The following XKR9 variants were observed in gnomAD, a reference collection of about 807,000 sequenced individuals.
XKR9 encodes XK related 9.
Under a neutral mutation model 32.0 loss-of-function variants are expected in XKR9, and 32 were observed. The ratio of observed to expected loss-of-function variants is 1.00; its 90% confidence interval spans 0.76 to 1.34. The LOEUF is 1.34. Ranked by LOEUF, XKR9 falls within the 40% of genes most tolerant of loss-of-function variation. The pLI is 0.00. For missense variants in XKR9, 546 were observed against 429.7 expected (o/e 1.27, Z -2.39); for synonymous variants, 168 against 143.4 (o/e 1.17, Z -1.22).
the XKR9 span, among the ~76,000 whole-genome samples, chr8:70,927,585 T>C: frequency 6.6e-6 from 1 of 152,102 alleles, no homozygotes; most frequent in African/African-American, 2.4e-5. Flanking sequence ...ATGAAGGCTA[T>C]GACCTCACAT....
chr8:70,902,734 TG>T, the XKR9 span, among the ~76,000 whole-genome samples: 1 of 152,244 alleles, frequency 6.6e-6, no homozygotes, highest in African/African-American at 2.4e-5. Flanking sequence ...TTTCTGCTTT[TG>T]TCCATTCAGT....
the XKR9 span, among the ~76,000 whole-genome samples, chr8:70,806,468 G>A: frequency 9.2e-5 from 14 of 152,238 alleles, no homozygotes; most frequent in African/African-American, 3.4e-4. Context: ...AAAAAACTAC[G>A]CTGAGCTAAA....
the XKR9 span, among the ~76,000 whole-genome samples, chr8:70,994,694 C>T: frequency 6.7e-6 from 1 of 149,558 alleles, no homozygotes; most frequent in African/African-American, 2.4e-5. Context: ...TCTCTATTCC[C>T]ATTACACATT....
the XKR9 span, among the ~76,000 whole-genome samples, chr8:70,870,837 T>A: frequency 6.6e-6 from 1 of 152,192 alleles, no homozygotes; most frequent in Non-Finnish European, 1.5e-5. Flanking sequence ...TTGAACCATG[T>A]GATTCTGTTA....
the XKR9 span, among the ~76,000 whole-genome samples, chr8:71,013,319 G>A: frequency 2.6e-5 from 4 of 152,018 alleles, no homozygotes; most frequent in Non-Finnish European, 4.4e-5. Flanking sequence ...AGTAGGAGAG[G>A]GACATTAGGG....
chr8:70,775,906 G>A (rs529417892), intron 2 of XKR9, among the ~76,000 whole-genome samples: 2 of 151,892 alleles, frequency 1.3e-5, no homozygotes, highest in African/African-American at 2.4e-5. Flanking sequence ...CACTATGTTC[G>A]GTTAAGTTTT....
At chr8:70,972,300 G>A in the XKR9 span, among the ~76,000 whole-genome samples, 1 of 152,084 alleles carries the variant, frequency 6.6e-6, no homozygotes, top group African/African-American at 2.4e-5. Flanking sequence ...CTACTGATTT[G>A]TGTACATTAA....
At chr8:70,923,861 T>A in the XKR9 span, among the ~76,000 whole-genome samples, 1 of 152,222 alleles carries the variant, frequency 6.6e-6, no homozygotes, top group Admixed American at 6.5e-5. Flanking sequence ...TTTTGAATTC[T>A]ATGTTCTATA....
the XKR9 span, among the ~76,000 whole-genome samples, chr8:71,033,115 A>G: frequency 6.6e-6 from 1 of 152,086 alleles, no homozygotes; most frequent in Non-Finnish European, 1.5e-5. Context: ...ACACAGGGAA[A>G]CAGCAGGTAA....
chr8:70,770,589 C>A (rs563022303), intron 2 of XKR9, among the ~76,000 whole-genome samples: 2 of 152,206 alleles, frequency 1.3e-5, no homozygotes, highest in African/African-American at 4.8e-5. Context: ...GGGCTGCTGT[C>A]TTCCTTTCAG....
At chr8:70,804,513 GC>G in the XKR9 span, among the ~76,000 whole-genome samples, 1 of 152,150 alleles carries the variant, frequency 6.6e-6, no homozygotes, top group Non-Finnish European at 1.5e-5. Flanking sequence ...TACATGTAAA[GC>G]TTTTAGCATA....
the XKR9 span, among the ~76,000 whole-genome samples, chr8:71,059,260 T>G: frequency 6.6e-6 from 1 of 152,242 alleles, no homozygotes; most frequent in Non-Finnish European, 1.5e-5. Context: ...CAGCACACTG[T>G]CACAGAATGT....
chr8:71,052,637 G>A, the XKR9 span, among the ~76,000 whole-genome samples: 1 of 152,182 alleles, frequency 6.6e-6, no homozygotes, highest in African/African-American at 2.4e-5. Flanking sequence ...ATAGGAAGGA[G>A]GATTTGCCTT....
chr8:70,980,265 C>CA, the XKR9 span, among the ~76,000 whole-genome samples: 1 of 152,194 alleles, frequency 6.6e-6, no homozygotes, highest in African/African-American at 2.4e-5. Flanking sequence ...CTGTGGGCTG[C>CA]ACCCACTGTC....
At chr8:70,836,730 G>T in the XKR9 span, among the ~76,000 whole-genome samples, 2 of 151,838 alleles carry the variant, frequency 1.3e-5, no homozygotes, top group Non-Finnish European at 2.9e-5. Flanking sequence ...GCATAGAATT[G>T]CTGGGTAATG....
chr8:70,766,802 A>G (rs1435003293), intron 2 of XKR9, among the ~76,000 whole-genome samples: 2 of 152,204 alleles, frequency 1.3e-5, no homozygotes, highest in Admixed American at 1.3e-4. Flanking sequence ...TGTTTTTAGC[A>G]TGAAGGGGTG....
chr8:70,749,276 C>G (rs1807100711), intron 2 of XKR9, among the ~76,000 whole-genome samples: 1 of 151,906 alleles, frequency 6.6e-6, no homozygotes, highest in Non-Finnish European at 1.5e-5. Context: ...ACAAACGGGG[C>G]TGAAACATGC....
the XKR9 span, among the ~76,000 whole-genome samples, chr8:71,019,006 TTGAC>T: frequency 1.3e-5 from 2 of 152,350 alleles, no homozygotes; most frequent in East Asian, 3.9e-4. Context: ...ATATTTCTGA[TTGAC>T]AGCTCCATTC....
At chr8:70,879,648 A>G in the XKR9 span, among the ~76,000 whole-genome samples, 1 of 152,292 alleles carries the variant, frequency 6.6e-6, no homozygotes, top group African/African-American at 2.4e-5. Flanking sequence ...ACAGGCTCTG[A>G]AATAGAGGTA....
Sources: allele counts gnomAD v4.1 joint callset (sites outside exome capture counted in the v4.1 genomes callset), GRCh38; gene constraint gnomAD v4.1.1; transcripts MANE v1.5; gene names NCBI Gene and HGNC (gene_info 2026-07-23, HGNC 2026-07-21).